LPP: variants seen among roughly 807,000 people sequenced by gnomAD.
The protein encoded by LPP is LIM domain containing preferred translocation partner in lipoma.
A neutral mutation model predicts 60.4 loss-of-function variants in LPP; 38 were observed. The ratio of observed to expected loss-of-function variants is 0.63; its 90% confidence interval spans 0.49 to 0.83. LPP has a LOEUF of 0.83. Among genes scored for constraint, LPP ranks in the 40% least tolerant of loss-of-function variants. LPP has a pLI of 0.00. For missense variants in LPP, 902 were observed against 783.6 expected (o/e 1.15, Z -1.80); for synonymous variants, 328 against 290.8 (o/e 1.13, Z -1.30).
At chr3:188,445,176 A>G (rs1479291172) in intron 4 of LPP, among the ~76,000 whole-genome samples, 3 of 152,224 alleles carry the variant, frequency 2.0e-5, no homozygotes, top group African/African-American at 4.8e-5. Flanking sequence ...CACTATAAAG[A>G]CACATGCACA....
intron 2 of LPP, among the ~76,000 whole-genome samples, chr3:188,240,876 A>T (rs2149459713): frequency 6.6e-6 from 1 of 152,334 alleles, no homozygotes; most frequent in East Asian, 1.9e-4. Flanking sequence ...ATATTAAAGT[A>T]ATGCTCTGAA....
chr3:188,778,917 G>C (rs529391821), intron 9 of LPP, among the ~76,000 whole-genome samples: 1 of 152,178 alleles, frequency 6.6e-6, no homozygotes, highest in African/African-American at 2.4e-5. Context: ...AAGAGAAACT[G>C]TAATTTGAAG....
At chr3:188,290,306 C>G (rs1290395949) in intron 2 of LPP, among the ~76,000 whole-genome samples, 3 of 152,040 alleles carry the variant, frequency 2.0e-5, no homozygotes, top group Non-Finnish European at 4.4e-5. Flanking sequence ...TGTTTAGGGA[C>G]AGATGCCGAA....
At position 188,352,620 on chromosome 3, in the gene LPP, G is replaced by A. The variant is rs17602709; in HGVS notation, c.-10+10901G>A. On this transcript the variant is annotated intron_variant, in intron 3 of 11. Transcript: ENST00000617246. The surrounding 1 kb of genome is among the most constrained non-coding windows in gnomAD (Gnocchi z 4.4). ...ACAGTGAGGCGCATTATGCGGAGGT[G>A]ACTTGCTCAAGGCCACAGAGTGCAT... Among the ~76,000 whole-genome samples the A allele has an allele frequency of 0.26, 39,997 of 152,182 alleles. 6,538 individuals carry two copies. Among genetic ancestry groups the A allele is most frequent in the Non-Finnish European group, 0.37 (25,422 of 68,004 alleles).
At chr3:188,865,666 A>C (rs1237460328) in intron 9 of LPP, among the ~76,000 whole-genome samples, 1 of 143,324 alleles carries the variant, frequency 7.0e-6, no homozygotes, top group Non-Finnish European at 1.5e-5. Flanking sequence ...CCATGGGTCA[A>C]ATCCAGCCCA....
intron 9 of LPP, among the ~76,000 whole-genome samples, chr3:188,836,558 G>A (rs13315356): frequency 0.061 from 9,238 of 152,280 alleles, 303 homozygotes; most frequent in African/African-American, 0.085. Context: ...CTCTGCACAC[G>A]ATGGAGGCTC....
Position 188,589,904 on chromosome 3 carries a change from T to C in LPP, c.430-19257T>C, listed in dbSNP as rs559963506. Among the ~76,000 whole-genome samples, 18 of 152,354 alleles carry C rather than the reference T, an allele frequency of 1.2e-4. No homozygotes were observed. The South Asian group carries it at 3.3e-3, about 28-fold the overall frequency. On this transcript the variant is annotated intron_variant, in intron 6 of 11. Transcript: ENST00000617246. ...GAAAAGATGAAGGTTTTGCTATTGT[T>C]TACAACAGTTTTGCCTGATTTTTGT...
chr3:188,757,032 C>T (rs1014758797), intron 8 of LPP, among the ~76,000 whole-genome samples: 1 of 152,214 alleles, frequency 6.6e-6, no homozygotes, highest in South Asian at 2.1e-4. Flanking sequence ...GTCTTTTCCT[C>T]TTCCACCTTT....
Position 188,500,413 on chromosome 3 carries a change from G to C in LPP, c.306+15709G>C, listed in dbSNP as rs530500324. 4.6e-5 allele frequency among the ~76,000 whole-genome samples: 7 copies of C among 151,970 alleles called. No individual in the cohort carries two copies. The East Asian group carries it at 1.2e-3, about 25-fold the overall frequency. On this transcript the variant is annotated intron_variant, in intron 5 of 11. Coordinates refer to ENST00000617246, the MANE Select transcript of LPP (RefSeq NM_001375462.1). ...TGATTTGTTTGTTGAGTATCCGTTC[G>C]TTACAATAATAAATTTCACTTGGCC...
intron 1 of LPP, among the ~76,000 whole-genome samples, chr3:188,218,168 T>C (rs571564134): frequency 6.6e-6 from 1 of 152,380 alleles, no homozygotes; most frequent in South Asian, 2.1e-4. Context: ...TCTCCTTGTC[T>C]TGAGGACTGG....
At chr3:188,555,979 T>G (rs183946998) in intron 6 of LPP, among the ~76,000 whole-genome samples, 2 of 152,152 alleles carry the variant, frequency 1.3e-5, no homozygotes, top group East Asian at 3.9e-4. Context: ...CAAGAAACAC[T>G]GAGGTAGGAG....
At chr3:188,619,271 C>T (rs1845397894) in intron 7 of LPP, among the ~76,000 whole-genome samples, 1 of 152,202 alleles carries the variant, frequency 6.6e-6, no homozygotes, top group Non-Finnish European at 1.5e-5. Context: ...GTGATCCACT[C>T]ACCTTGGCCT....
intron 10 of LPP, among the ~76,000 whole-genome samples, chr3:188,867,264 T>G (rs1000958983): frequency 8.8e-5 from 13 of 148,212 alleles, no homozygotes; most frequent in African/African-American, 3.2e-4. Context: ...TATATATATG[T>G]TTATATATAT....
intron 8 of LPP, among the ~76,000 whole-genome samples, chr3:188,753,791 A>G (rs369822387): frequency 6.6e-6 from 1 of 151,906 alleles, no homozygotes; most frequent in African/African-American, 2.4e-5. Flanking sequence ...GTGAGTGTGT[A>G]TATGTATTTG....
At chr3:188,777,858 A>G (rs1270860724) in intron 9 of LPP, among the ~76,000 whole-genome samples, 3 of 152,342 alleles carry the variant, frequency 2.0e-5, no homozygotes, top group East Asian at 1.9e-4. Context: ...AGTAAAATAG[A>G]TATCTTTTTA....
chr3:188,291,645 CAA>C lies in LPP; in HGVS notation c.-66-50000_-66-49999del, dbSNP rs34001206. Among the ~76,000 whole-genome samples the C allele has an allele frequency of 8.8e-3, 851 of 96,698 alleles. 6 individuals carry two copies. The highest frequency in any genetic ancestry group is 0.036 in the African/African-American group (814 of 22,558). The allele number at this position is 96,698 out of a possible 152,430, so 63.4% of individuals were successfully genotyped here. A position where few individuals can be genotyped will look rare whatever the true frequency, so the allele number is the denominator to read the frequency against. ...TGGGCGACAGAGCGAGACTCTGTCT[CAA>C]AAAAAAAAAAAAAAAAAGAGAAAGG... On this transcript the variant is annotated intron_variant, in intron 2 of 11. Coordinates refer to ENST00000617246, the MANE Select transcript of LPP (RefSeq NM_001375462.1).
chr3:188,651,140 T>C (rs2148967933), intron 7 of LPP, among the ~76,000 whole-genome samples: 1 of 152,332 alleles, frequency 6.6e-6, no homozygotes, highest in Non-Finnish European at 1.5e-5. Flanking sequence ...ACAAATTCCC[T>C]TTCAACTTCA....
In LPP at chr3:188,574,705, T is replaced by C. The variant is rs189651027; in HGVS notation, c.430-34456T>C. ...TTCCATTTCTCTTTTGCCAGCGTAA[T>C]TTCCTGTGTGTGTGTGTGTTGTGGG... On this transcript the variant is annotated intron_variant, in intron 6 of 11. Transcript: ENST00000617246. Among the ~76,000 whole-genome samples the C allele has an allele frequency of 3.9e-4, 60 of 152,192 alleles. 1 individual carries two copies. The East Asian group carries it at 8.3e-3, about 21-fold the overall frequency.
chr3:188,703,756 A>G (rs531177863), intron 7 of LPP, among the ~76,000 whole-genome samples: 1 of 152,244 alleles, frequency 6.6e-6, no homozygotes, highest in Non-Finnish European at 1.5e-5. Flanking sequence ...TTCAGAGAAC[A>G]AAAAGAATGA....
Sources: gnomAD v4.1 joint callset for allele counts (sites outside exome capture counted in the v4.1 genomes callset) on GRCh38, gnomAD v4.1.1 for gene constraint, Gnocchi (gnomAD v3.1) non-coding constraint, MANE v1.5 for transcripts, NCBI Gene and HGNC (gene_info 2026-07-23, HGNC 2026-07-21) for gene names.